Variants in NME7 observed in about 807,000 individuals in gnomAD.
NME7 encodes the protein nucleoside diphosphate kinase 7.
In NME7, 41 loss-of-function variants were observed where a neutral mutation model predicts 49.1. That is an observed-to-expected ratio of 0.83 (90% CI 0.65 to 1.08). The LOEUF is 1.08. NME7 is among the 50% of genes least tolerant of loss of function. NME7 has a pLI of 0.00. For synonymous variants in NME7, 139 were observed against 150.6 expected (o/e 0.92, Z 0.56); for missense variants, 423 against 463.4 (o/e 0.91, Z 0.80).
At chr1:169,219,710 T>TA (rs1264022951) in intron 10 of NME7, among the ~76,000 whole-genome samples, 1 of 152,162 alleles carries the variant, frequency 6.6e-6, no homozygotes, top group Non-Finnish European at 1.5e-5. Context: ...TACAATACAT[T>TA]ATTGCAATTT....
At chr1:169,296,230 G>C (rs916671392) in intron 6 of NME7, among the ~76,000 whole-genome samples, 3 of 151,964 alleles carry the variant, frequency 2.0e-5, no homozygotes, top group Non-Finnish European at 4.4e-5. Context: ...CTCCACACAG[G>C]GTTTTGCCTC....
intron 11 of NME7, among the ~76,000 whole-genome samples, chr1:169,134,535 T>C (rs1448635129): frequency 2.6e-5 from 4 of 152,022 alleles, no homozygotes; most frequent in Non-Finnish European, 5.9e-5. Context: ...AGGATTCTCT[T>C]TTCAACCCTT....
At chr1:169,234,953 A>C (rs1647797109) in intron 9 of NME7, among the ~76,000 whole-genome samples, 178 bp downstream of exon 9, 1 of 152,080 alleles carries the variant, frequency 6.6e-6, no homozygotes, top group African/African-American at 2.4e-5. Flanking sequence ...CTCTCTCCTG[A>C]TTTCTCAGAA....
chr1:169,219,592 AT>A (rs555628656), intron 10 of NME7, among the ~76,000 whole-genome samples: 8 of 152,266 alleles, frequency 5.3e-5, no homozygotes, highest in African/African-American at 1.9e-4. Flanking sequence ...TTGAGATAGG[AT>A]CTCACTGTGT....
chr1:169,253,180 C>A (rs1406282570), intron 7 of NME7, among the ~76,000 whole-genome samples: 7 of 150,778 alleles, frequency 4.6e-5, no homozygotes, highest in Non-Finnish European at 8.9e-5. Flanking sequence ...GATATTGATT[C>A]TTCCTACCCA....
In NME7 at chr1:169,275,526, C is replaced by A. The variant is rs1350583485; in HGVS notation, c.754+11777G>T. 1.8e-5 allele frequency among the ~76,000 whole-genome samples: 2 copies of A among 111,652 alleles called. 1 individual carries two copies. The highest frequency in any genetic ancestry group is 4.1e-5 in the Non-Finnish European group (2 of 48,696). 73.2% of individuals were successfully genotyped at this position (111,652 alleles called of 152,430 possible). A position where few individuals can be genotyped will look rare whatever the true frequency, so the allele number is the denominator to read the frequency against. ...AAAAAGAATGCTTGTGATTTTTGTA[C>A]ATTGATTTTGTATCCTGAGACTTTG... is the stretch of plus-strand genomic sequence containing the variant. On this transcript the variant is annotated intron_variant, in intron 7 of 11. Coordinates refer to ENST00000367811, the MANE Select transcript of NME7 (RefSeq NM_013330.5).
chr1:169,278,333 A>G (rs948814561), intron 7 of NME7, among the ~76,000 whole-genome samples: 15 of 151,716 alleles, frequency 9.9e-5, no homozygotes, highest in African/African-American at 2.9e-4. Context: ...CCAATCAGAC[A>G]TAGATTTGGT....
At chr1:169,350,463 G>A (rs536979072) in intron 1 of NME7, among the ~76,000 whole-genome samples, 5 of 152,030 alleles carry the variant, frequency 3.3e-5, no homozygotes, top group African/African-American at 1.2e-4. Context: ...TGTGCAAAAC[G>A]CAGAGGGGAT....
At position 169,283,661 on chromosome 1, in the gene NME7, C is replaced by T. The variant is rs2101891562; in HGVS notation, c.754+3642G>A. Among the ~76,000 whole-genome samples the T allele has an allele frequency of 1.3e-5, 2 of 152,262 alleles. 1 individual carries two copies. Among genetic ancestry groups the T allele is most frequent in the South Asian group, 4.2e-4 (2 of 4,818 alleles). ...GTCTGGTGGTGACAAATTCCCTCAG[C>T]ATTTGCTTGTCTGTAAAGGATTTTA... is the stretch of plus-strand genomic sequence containing the variant. On this transcript the variant is annotated intron_variant, in intron 7 of 11. Coordinates refer to ENST00000367811, the MANE Select transcript of NME7 (RefSeq NM_013330.5).
intron 10 of NME7, among the ~76,000 whole-genome samples, chr1:169,185,011 G>T (rs1332981381): frequency 6.6e-6 from 1 of 152,132 alleles, no homozygotes; most frequent in African/African-American, 2.4e-5. Context: ...TATATGCAAA[G>T]TGCTATAAGG....
Position 169,178,977 on chromosome 1 carries a change from C to T in NME7, c.991-9423G>A, listed in dbSNP as rs766657322. ...CTGGGATTACAGGCATGTGCCACCA[C>T]ACCCGGCTAATTTTTGTATTTTTAG... is the stretch of plus-strand genomic sequence containing the variant. On this transcript the variant is annotated intron_variant, in intron 10 of 11. Coordinates refer to ENST00000367811, the MANE Select transcript of NME7 (RefSeq NM_013330.5). Among the ~76,000 whole-genome samples, 2 of 152,064 alleles carry T rather than the reference C, an allele frequency of 1.3e-5. 1 individual carries two copies. The highest frequency in any genetic ancestry group is 2.9e-5 in the Non-Finnish European group (2 of 67,990).
chr1:169,184,667 T>G (rs1660020082), intron 10 of NME7, among the ~76,000 whole-genome samples: 2 of 152,168 alleles, frequency 1.3e-5, no homozygotes, highest in South Asian at 4.2e-4. Flanking sequence ...CAATAAATAT[T>G]TATTGATACC....
At chr1:169,258,437 T>C (rs1375787559) in intron 7 of NME7, among the ~76,000 whole-genome samples, 2,647 of 119,110 alleles carry the variant, frequency 0.022, 274 homozygotes, top group African/African-American at 0.071. Flanking sequence ...CACACACACA[T>C]ATATCTTCTC....
At chr1:169,227,864 T>C (rs1364249864) in intron 10 of NME7, among the ~76,000 whole-genome samples, 1 of 152,176 alleles carries the variant, frequency 6.6e-6, no homozygotes, top group Non-Finnish European at 1.5e-5. Flanking sequence ...ATTTCTGGGT[T>C]CCTAGAGTAC....
At chr1:169,314,955 A>G (rs1373482026) in intron 3 of NME7, among the ~76,000 whole-genome samples, 1 of 152,182 alleles carries the variant, frequency 6.6e-6, no homozygotes, top group African/African-American at 2.4e-5. Context: ...CTAGAGATGA[A>G]GATGGTCTCT....
chr1:169,320,901 G>A (rs1461250222), intron 3 of NME7, among the ~76,000 whole-genome samples: 1 of 152,086 alleles, frequency 6.6e-6, no homozygotes, highest in East Asian at 1.9e-4. Context: ...TAGAGGTTTA[G>A]TAGAAAGAGA....
intron 11 of NME7, among the ~76,000 whole-genome samples, chr1:169,168,698 T>C (rs1257684124): frequency 1.3e-5 from 2 of 152,186 alleles, no homozygotes; most frequent in Non-Finnish European, 2.9e-5. Flanking sequence ...TAACTTTTGA[T>C]TCCCCAAAAG....
intron 3 of NME7, among the ~76,000 whole-genome samples, chr1:169,319,821 T>A (rs967735028): frequency 2.0e-4 from 31 of 152,346 alleles, no homozygotes; most frequent in South Asian, 1.2e-3. Flanking sequence ...CCCTTTAATT[T>A]GATTAGATGG....
At chr1:169,212,972 A>T (rs1279788009) in intron 10 of NME7, among the ~76,000 whole-genome samples, 4 of 151,664 alleles carry the variant, frequency 2.6e-5, no homozygotes, top group Non-Finnish European at 5.9e-5. Context: ...CATTTTTTGC[A>T]TTTTTGTATT....
Sources: allele counts gnomAD v4.1 joint callset (sites outside exome capture counted in the v4.1 genomes callset), GRCh38; gene constraint gnomAD v4.1.1; transcripts MANE v1.5; gene names NCBI Gene and HGNC (gene_info 2026-07-23, HGNC 2026-07-21).